UBAP1: variants seen among roughly 807,000 people sequenced by gnomAD.
UBAP1 encodes the protein ubiquitin associated protein 1.
A neutral mutation model predicts 39.0 loss-of-function variants in UBAP1; 5 were observed. That is an observed-to-expected ratio of 0.13 (90% CI 0.07 to 0.27). The LOEUF (loss-of-function observed/expected upper bound fraction) is 0.27. UBAP1 is among the 10% of genes least tolerant of loss of function. The pLI is 1.00. For synonymous variants in UBAP1, 211 were observed against 225.1 expected (o/e 0.94, Z 0.56); for missense variants, 490 against 608.1 (o/e 0.81, Z 2.04).
chr9:34,221,334 CCTGT>C (rs1832745050), intron 2 of UBAP1, among the ~76,000 whole-genome samples: 1 of 151,896 alleles, frequency 6.6e-6, no homozygotes, highest in Non-Finnish European at 1.5e-5. Context: ...TCGAGACCAT[CCTGT>C]CTAACACGGT....
chr9:34,202,676 T>TGTGTGTGTGTGTCCCC (rs1554647595), intron 1 of UBAP1, among the ~76,000 whole-genome samples: 2 of 143,132 alleles, frequency 1.4e-5, no homozygotes, highest in Admixed American at 7.2e-5. Context: ...TGTGTGTGTG[T>TGTGTGTGTGTGTCCCC]GTCCCCGTCC....
At chr9:34,212,632 A>C (rs751275972) in intron 1 of UBAP1, among the ~76,000 whole-genome samples, 2 of 152,190 alleles carry the variant, frequency 1.3e-5, no homozygotes, top group Non-Finnish European at 2.9e-5. Context: ...GGTTTAGGGA[A>C]AATACAACCC....
chr9:34,182,627 CTTTCTTTCT>C (rs1830115423), intron 1 of UBAP1, among the ~76,000 whole-genome samples: 2 of 46,174 alleles, frequency 4.3e-5, no homozygotes, highest in African/African-American at 1.2e-4. Flanking sequence ...TTCTTTCTTT[CTTTCTTTCT>C]TTCTTTCTTT....
At position 34,252,297 on chromosome 9, in the gene UBAP1, C is replaced by T. The variant is rs1044783468; in HGVS notation, c.*765C>T. On this transcript the variant is annotated 3_prime_UTR_variant, in exon 7 of 7. Coordinates refer to ENST00000297661, the MANE Select transcript of UBAP1 (RefSeq NM_016525.5). ...CCATGATTTAGTTGGCCAGCACTAA[C>T]TCCACCTCTGTTCTCCTTGAACAGC... is the stretch of plus-strand genomic sequence containing the variant. The T allele has an allele frequency of 6.6e-6, 1 of 152,636 alleles. No homozygotes were observed. 9.5% of individuals were successfully genotyped at this position (152,636 alleles called of 1,614,324 possible).
chr9:34,228,715 G>A (rs980259534), intron 2 of UBAP1, among the ~76,000 whole-genome samples: 3 of 149,886 alleles, frequency 2.0e-5, no homozygotes, highest in African/African-American at 2.5e-5. Flanking sequence ...GATTACAGGC[G>A]TGCATCACCA....
At position 34,250,590 on chromosome 9, in the gene UBAP1, G is replaced by T. The variant is rs932476845; in HGVS notation, c.1267-68G>T. 47 of 1,298,004 alleles carry T rather than the reference G, an allele frequency of 3.6e-5. No individual in the cohort carries two copies. The East Asian group carries it at 1.0e-3, about 29-fold the overall frequency. The allele number at this position is 1,298,004 out of a possible 1,614,324, so 80.4% of individuals were successfully genotyped here. A position where few individuals can be genotyped will look rare whatever the true frequency, so the allele number is the denominator to read the frequency against. ...GAGAACGGACTTCACACACTAGTTT[G>T]TTGAGGTCTCTTGGAAAGCACAGCA... is the stretch of plus-strand genomic sequence containing the variant. On this transcript the variant is annotated intron_variant, in intron 5 of 6. Transcript: ENST00000297661.
At chr9:34,207,271 C>G (rs1238770728) in intron 1 of UBAP1, among the ~76,000 whole-genome samples, 1 of 151,278 alleles carries the variant, frequency 6.6e-6, no homozygotes, top group Admixed American at 6.6e-5. Context: ...GTCTCAAACT[C>G]CTGACCTTAG....
intron 1 of UBAP1, among the ~76,000 whole-genome samples, chr9:34,184,066 G>A (rs1424741883): frequency 1.3e-5 from 2 of 151,804 alleles, no homozygotes; most frequent in Admixed American, 6.6e-5. Context: ...TAGCGCTCCC[G>A]GCCCAGAATT....
intron 1 of UBAP1, among the ~76,000 whole-genome samples, chr9:34,208,305 T>C (rs1052583421): frequency 1.3e-5 from 2 of 152,218 alleles, no homozygotes; most frequent in African/African-American, 4.8e-5. Flanking sequence ...ATACTCATTT[T>C]GTAAATACAA....
intron 1 of UBAP1, among the ~76,000 whole-genome samples, chr9:34,184,357 C>T (rs180960323): frequency 2.1e-4 from 31 of 150,670 alleles, no homozygotes; most frequent in South Asian, 6.3e-4. Context: ...CTGGGCCGGG[C>T]GCGGTGGCTC....
intron 1 of UBAP1, among the ~76,000 whole-genome samples, chr9:34,183,190 G>A (rs778437587): frequency 1.3e-5 from 2 of 152,072 alleles, no homozygotes; most frequent in Non-Finnish European, 1.5e-5. Context: ...TCATTTATCA[G>A]GTGGTTTTCT....
Position 34,179,760 on chromosome 9 carries a change from A to T in UBAP1, c.-8+520A>T, listed in dbSNP as rs1451984578. Among the ~76,000 whole-genome samples the T allele has an allele frequency of 2.6e-5, 4 of 152,150 alleles. No individual in the cohort carries two copies. In the East Asian group the frequency reaches 7.7e-4, roughly 29 times the overall value. On this transcript the variant is annotated intron_variant, in intron 1 of 6. Coordinates refer to ENST00000297661, the MANE Select transcript of UBAP1 (RefSeq NM_016525.5). ...TGTCTGGTCTTCTCCAGGTATGTTT[A>T]TCCGCCTTTTTTGTTTCTTGGGTGG...
chr9:34,198,999 C>G (rs1831214105), intron 1 of UBAP1, among the ~76,000 whole-genome samples: 1 of 152,200 alleles, frequency 6.6e-6, no homozygotes, highest in Admixed American at 6.5e-5. Flanking sequence ...TGGATAATTA[C>G]TAATTGACAT....
At chr9:34,182,671 CT>C (rs67232930) in intron 1 of UBAP1, among the ~76,000 whole-genome samples, 1 of 87,946 alleles carries the variant, frequency 1.1e-5, no homozygotes, top group South Asian at 4.4e-4. Flanking sequence ...TTCTTTCTTT[CT>C]TTCTTTCTTT....
At chr9:34,250,865 A>T (rs977804784) in intron 6 of UBAP1, 106 bp downstream of exon 6, 4 of 896,982 alleles carry the variant, frequency 4.5e-6, no homozygotes, top group South Asian at 4.1e-5. Context: ...TTTGCCAGTG[A>T]CTACAGGTAC....
intron 1 of UBAP1, among the ~76,000 whole-genome samples, chr9:34,182,330 A>G (rs933646164): frequency 6.6e-6 from 1 of 151,340 alleles, no homozygotes; most frequent in African/African-American, 2.4e-5. Context: ...GATTACAGGC[A>G]CCCACCACCA....
intron 3 of UBAP1, among the ~76,000 whole-genome samples, chr9:34,237,478 T>C (rs1313805039): frequency 6.6e-6 from 1 of 152,232 alleles, no homozygotes; most frequent in Non-Finnish European, 1.5e-5. Flanking sequence ...GTAATCATAA[T>C]GAGGGAACTT....
chr9:34,222,027 G>A (rs1587847634), intron 2 of UBAP1, among the ~76,000 whole-genome samples: 3 of 152,134 alleles, frequency 2.0e-5, no homozygotes, highest in African/African-American at 4.8e-5. Flanking sequence ...TACTCAGGGG[G>A]CTAAGGTGGG....
Position 34,251,714 on chromosome 9 carries a change from T to G in UBAP1, c.*182T>G. On this transcript the variant is annotated 3_prime_UTR_variant, in exon 7 of 7. Transcript: ENST00000297661. ...CCCTGAGCTGGGGAGGTGGGGAAGA[T>G]TCGGGCATGTGAGTGCCCCCAGAAC... is the stretch of plus-strand genomic sequence containing the variant. 1.5e-6 allele frequency: 1 copy of G among 665,274 alleles called. No homozygotes were observed. The highest frequency in any genetic ancestry group is 2.5e-6 in the Non-Finnish European group (1 of 400,508). 41.2% of individuals were successfully genotyped at this position (665,274 alleles called of 1,614,324 possible). A position where few individuals can be genotyped will look rare whatever the true frequency, so the allele number is the denominator to read the frequency against.
Sources: gnomAD v4.1 joint callset for allele counts (sites outside exome capture counted in the v4.1 genomes callset) on GRCh38, gnomAD v4.1.1 for gene constraint, MANE v1.5 for transcripts, NCBI Gene and HGNC (gene_info 2026-07-23, HGNC 2026-07-21) for gene names.